The following COL8A1 variants were observed in gnomAD, a reference collection of about 807,000 sequenced individuals.
The protein encoded by COL8A1 is collagen alpha-1(VIII) chain.
Under a neutral mutation model 42.7 loss-of-function variants are expected in COL8A1, and 21 were observed. That is an observed-to-expected ratio of 0.49 (90% CI 0.35 to 0.71). The LOEUF (loss-of-function observed/expected upper bound fraction) is 0.71, where lower values mean the gene tolerates loss of function less well. Among genes scored for constraint, COL8A1 ranks in the 30% least tolerant of loss-of-function variants. The pLI, the probability that COL8A1 is intolerant of heterozygous loss-of-function variation, is 0.01. For missense variants in COL8A1, 788 were observed against 962.4 expected (o/e 0.82, Z 2.40); for synonymous variants, 367 against 369.1 (o/e 0.99, Z 0.06).
chr3:99,795,574 TTCCAGGACCCCCAGGCCCTCCAGGACC>T lies in COL8A1; in HGVS notation c.1688_1714del (p.Gly563_Pro571del). On this transcript the variant is annotated inframe_deletion, in exon 4 of 4. Coordinates refer to ENST00000652472, the MANE Select transcript of COL8A1 (RefSeq NM_020351.4). ...CTTGGTCCTCAAGGCCAGCCTGGCC[TTCCAGGACCCCCAGGCCCTCCAGGACC>T]TCCAGGACCCCCAGCTGTGATGCCC... 6.2e-7 allele frequency: 1 copy of T among 1,610,032 alleles called. No individual in the cohort carries two copies. The highest frequency in any genetic ancestry group is 8.5e-7 in the Non-Finnish European group (1 of 1,177,754).
chr3:99,752,395 T>C lies in COL8A1; in HGVS notation c.-4+7374T>C, dbSNP rs1941168541. Among the ~76,000 whole-genome samples, 3 of 152,126 alleles carry C rather than the reference T, an allele frequency of 2.0e-5. No homozygotes were observed. The South Asian group carries it at 6.2e-4, about 32-fold the overall frequency. On this transcript the variant is annotated intron_variant, in intron 2 of 3. Coordinates refer to ENST00000652472, the MANE Select transcript of COL8A1 (RefSeq NM_020351.4). ...AGTAATATTATTATTATTTATAACA[T>C]GATCACTCTTCTACTACTCCCTTCC...
chr3:99,766,657 GT>G (rs1485211743), intron 2 of COL8A1, among the ~76,000 whole-genome samples: 1 of 152,148 alleles, frequency 6.6e-6, no homozygotes, highest in Non-Finnish European at 1.5e-5. Flanking sequence ...GACAGTTAAA[GT>G]TGATGTCCTG....
chr3:99,729,049 C>T (rs1336293493), intron 1 of COL8A1, among the ~76,000 whole-genome samples: 1 of 151,976 alleles, frequency 6.6e-6, no homozygotes, highest in African/African-American at 2.4e-5. Context: ...TAGTATTTCA[C>T]CTTCCATATT....
intron 1 of COL8A1, among the ~76,000 whole-genome samples, chr3:99,676,468 C>G (rs1021431563): frequency 2.0e-5 from 3 of 151,908 alleles, no homozygotes; most frequent in African/African-American, 7.2e-5. Flanking sequence ...TGTAATTTAC[C>G]ACATTAATAA....
At chr3:99,735,772 A>C (rs1185204187) in intron 1 of COL8A1, among the ~76,000 whole-genome samples, 1 of 151,920 alleles carries the variant, frequency 6.6e-6, no homozygotes, top group Non-Finnish European at 1.5e-5. Flanking sequence ...CTGTGAATCC[A>C]TCTGGTCCTG....
chr3:99,706,410 A>G (rs1939681968), intron 1 of COL8A1, among the ~76,000 whole-genome samples: 1 of 152,206 alleles, frequency 6.6e-6, no homozygotes, highest in African/African-American at 2.4e-5. Context: ...GCTCAGGAGA[A>G]CTGGATGTTC....
At chr3:99,753,904 G>T (rs1279265922) in intron 2 of COL8A1, among the ~76,000 whole-genome samples, 1 of 152,198 alleles carries the variant, frequency 6.6e-6, no homozygotes, top group Non-Finnish European at 1.5e-5. Flanking sequence ...AGACTTGCTT[G>T]AGGTTGCCCA....
At chr3:99,640,100 CT>C (rs1937476041) in intron 1 of COL8A1, among the ~76,000 whole-genome samples, 1 of 152,108 alleles carries the variant, frequency 6.6e-6, no homozygotes, top group Non-Finnish European at 1.5e-5. Context: ...GGATTCAATG[CT>C]GTTACTCAAA....
At chr3:99,648,533 G>T (rs1937728318) in intron 1 of COL8A1, among the ~76,000 whole-genome samples, 1 of 151,244 alleles carries the variant, frequency 6.6e-6, no homozygotes, top group Non-Finnish European at 1.5e-5. Flanking sequence ...AATTAGAAAA[G>T]AAAAAACAAA....
rs776140797 is a variant in COL8A1 at position 99,790,967 on chromosome 3, G to A, written c.285G>A (p.Pro95=). Residue 95 remains proline, a synonymous_variant, in exon 3 of 4, where the codon CCG becomes CCA. Coordinates refer to ENST00000652472, the MANE Select transcript of COL8A1 (RefSeq NM_020351.4). ...HLPQYMKEIQ[P]APRMGKEAVP... ...CCCAATATATGAAGGAAATTCAACC[G>A]GCGCCAAGAATGGGCAAGGAAGCCG... 2.9e-5 allele frequency: 47 copies of A among 1,613,340 alleles called. No homozygotes were observed. In the Middle Eastern group the frequency reaches 6.6e-4, roughly 23 times the overall value.
chr3:99,712,155 A>G (rs1422865121), intron 1 of COL8A1, among the ~76,000 whole-genome samples: 3 of 152,170 alleles, frequency 2.0e-5, no homozygotes, highest in Non-Finnish European at 4.4e-5. Context: ...TGTGGCAGAA[A>G]CCAAAATCAG....
Position 99,650,929 on chromosome 3 carries a change from A to C in COL8A1, c.-129+12265A>C, listed in dbSNP as rs536878961. Among the ~76,000 whole-genome samples the C allele has an allele frequency of 5.9e-5, 9 of 152,332 alleles. No homozygotes were observed. In the East Asian group the frequency reaches 1.7e-3, roughly 29 times the overall value. On this transcript the variant is annotated intron_variant, in intron 1 of 3. Transcript: ENST00000652472. Reference sequence around the variant, plus strand: ...ATATGCTTTTTTCTATCCCCAGTGAATGCTATGACTGCAGTAGTGTTCATT... The same window carrying C: ...ATATGCTTTTTTCTATCCCCAGTGACTGCTATGACTGCAGTAGTGTTCATT...
chr3:99,796,299 T>C lies in COL8A1; in HGVS notation c.*163T>C. 3.6e-6 allele frequency: 2 copies of C among 557,412 alleles called. No individual in the cohort carries two copies. The highest frequency in any genetic ancestry group is 7.0e-5 in the South Asian group (2 of 28,626). The allele number at this position is 557,412 out of a possible 1,614,324, so 34.5% of individuals were successfully genotyped here. On this transcript the variant is annotated 3_prime_UTR_variant, in exon 4 of 4. Transcript: ENST00000652472. ...CATTGTGTACAAATAAAAACTAAGATGCATGTTTAATACTCCACACAGCAG... is the reference window on the plus strand; with the variant it reads ...CATTGTGTACAAATAAAAACTAAGACGCATGTTTAATACTCCACACAGCAG...
chr3:99,696,976 ATTTTTTTTTTTT>A (rs34865022), intron 1 of COL8A1, among the ~76,000 whole-genome samples: 1 of 88,016 alleles, frequency 1.1e-5, no homozygotes, highest in Non-Finnish European at 2.1e-5. Flanking sequence ...ATATACACAA[ATTTTTTTTTTTT>A]TTTTTTTTTT....
intron 1 of COL8A1, among the ~76,000 whole-genome samples, chr3:99,726,377 T>C (rs1204885554): frequency 1.3e-5 from 2 of 151,554 alleles, no homozygotes; most frequent in Non-Finnish European, 2.9e-5. Context: ...TTCACTCTGA[T>C]GGTAGTTTCT....
chr3:99,795,377 T>C lies in COL8A1; in HGVS notation c.1476T>C (p.Gly492=). 2 of 1,572,426 alleles carry C rather than the reference T, an allele frequency of 1.3e-6. No homozygotes were observed. The highest frequency in any genetic ancestry group is 1.4e-5 in the African/African-American group (1 of 73,944). The change falls in exon 4 of 4, where the codon GGT becomes GGC. Residue 492 remains glycine, a synonymous_variant. Coordinates refer to ENST00000652472, the MANE Select transcript of COL8A1 (RefSeq NM_020351.4). ...AGCCAGGAATCCCAGGGGATCAGGG[T>C]TTACAGGGCCCCCCAGGTATCCCAG... ...KGEPGIPGDQ[G]LQGPPGIPGI...
chr3:99,766,769 G>A (rs1189801559), intron 2 of COL8A1, among the ~76,000 whole-genome samples: 1 of 152,144 alleles, frequency 6.6e-6, no homozygotes, highest in African/African-American at 2.4e-5. Flanking sequence ...GACCAACATG[G>A]AGAAACCCCA....
intron 2 of COL8A1, among the ~76,000 whole-genome samples, chr3:99,767,835 C>T (rs1559631001): frequency 6.6e-6 from 1 of 152,098 alleles, no homozygotes; most frequent in South Asian, 2.1e-4. Flanking sequence ...AAAGATAATA[C>T]TAATGATAAT....
intron 2 of COL8A1, among the ~76,000 whole-genome samples, chr3:99,781,652 T>C (rs542260960): frequency 3.0e-4 from 46 of 152,306 alleles, no homozygotes; most frequent in Non-Finnish European, 5.0e-4. Flanking sequence ...AAAACACTTA[T>C]TTTACATTGT....
Sources: gnomAD v4.1 joint callset for allele counts (sites outside exome capture counted in the v4.1 genomes callset) on GRCh38, gnomAD v4.1.1 for gene constraint, MANE v1.5 for transcripts, NCBI Gene and HGNC (gene_info 2026-07-23, HGNC 2026-07-21) for gene names.